PAX8: variants seen among roughly 807,000 people sequenced by gnomAD.
The protein encoded by PAX8 is paired box protein Pax-8.
PAX8 carries 15 observed loss-of-function variants against 52.4 expected under a neutral mutation model. The ratio of observed to expected loss-of-function variants is 0.29; its 90% CI spans 0.19 to 0.44. The LOEUF (loss-of-function observed/expected upper bound fraction) is 0.44, where lower values mean the gene tolerates loss of function less well. Ranked by LOEUF, PAX8 falls within the 20% of genes least tolerant of loss-of-function variation. The pLI is 1.00. For missense variants in PAX8, 554 were observed against 602.5 expected (o/e 0.92, Z 0.84); for synonymous variants, 284 against 249.7 (o/e 1.14, Z -1.29).
chr2:113,267,488 ATGGT>A (rs1308155622), intron 2 of PAX8: 2 of 152,354 alleles, frequency 1.3e-5, no homozygotes, highest in East Asian at 3.9e-4. Flanking sequence ...GGAGGGGCTC[ATGGT>A]TGGACACTGG....
intron 1 of PAX8, 89 bp from the exon 2 acceptor site, chr2:113,278,558 C>G: frequency 8.8e-7 from 1 of 1,132,578 alleles, no homozygotes; most frequent in Non-Finnish European, 1.3e-6. Context: ...TCCTTTACAC[C>G]TGCATCGTCT....
intron 2 of PAX8, among the ~76,000 whole-genome samples, chr2:113,277,936 C>T (rs1693940829): frequency 6.6e-6 from 1 of 151,554 alleles, no homozygotes; most frequent in South Asian, 2.1e-4. Flanking sequence ...CACAGTCCAG[C>T]CAGGGGAGTC....
At chr2:113,277,536 G>A (rs956160118) in intron 2 of PAX8, among the ~76,000 whole-genome samples, 1 of 152,192 alleles carries the variant, frequency 6.6e-6, no homozygotes, top group African/African-American at 2.4e-5. Context: ...CTTCTCTGCG[G>A]CCGGCCGGGC....
chr2:113,245,678 T>C (rs558767975), intron 3 of PAX8, among the ~76,000 whole-genome samples: 6 of 152,218 alleles, frequency 3.9e-5, no homozygotes, highest in African/African-American at 1.4e-4. Flanking sequence ...ATCCTCCTCT[T>C]CTTGTTGTAG....
At position 113,234,300 on chromosome 2, in the gene PAX8, C is replaced by A. The variant is rs146824548; in HGVS notation, c.1087+1094G>T. 1.2e-3 allele frequency among the ~76,000 whole-genome samples: 190 copies of A among 152,338 alleles called. 1 individual carries two copies. Among genetic ancestry groups the A allele is most frequent in the African/African-American group, 4.4e-3 (182 of 41,588 alleles). On this transcript the variant is annotated intron_variant, in intron 9 of 11. Transcript: ENST00000429538. The stretch of plus-strand genomic sequence containing the variant: ...GCTTGACTCTCAGCCATTCCTCAGG[C>A]CCTGGCTGGATGAGCGAAGGTCCTT...
chr2:113,228,337 A>G (rs959701434), intron 9 of PAX8, among the ~76,000 whole-genome samples: 3 of 152,206 alleles, frequency 2.0e-5, no homozygotes, highest in African/African-American at 7.2e-5. Flanking sequence ...ATATTTGTTA[A>G]TAATGCCCAT....
At chr2:113,259,842 G>A (rs944131863) in intron 2 of PAX8, among the ~76,000 whole-genome samples, 11 of 152,184 alleles carry the variant, frequency 7.2e-5, no homozygotes, top group Admixed American at 3.3e-4. Context: ...TCCTGGCATC[G>A]CACACCAGGG....
chr2:113,247,607 G>A (rs772656394), intron 2 of PAX8, among the ~76,000 whole-genome samples: 14 of 152,316 alleles, frequency 9.2e-5, no homozygotes, highest in Middle Eastern at 6.8e-3. Flanking sequence ...TGACACAGGG[G>A]CTACAGGCCA....
rs1389732019 is a variant in PAX8, at chr2:113,236,651, G to A, written c.848C>T (p.Thr283Met). The change falls in exon 8 of 12, where the codon ACG becomes ATG. Residue 283 changes from threonine to methionine, a missense_variant. Thr to Met is a moderately conservative substitution (Grantham distance 81). Transcript: ENST00000429538. Reference protein sequence around the residue: ...DGKATLTPSNTPLGRNLSTHQ... With the variant: ...DGKATLTPSNMPLGRNLSTHQ... Reference sequence around the variant, plus strand: ...AGTCGAGAGGTTGCGCCCCAGTGGCGTGTTGGAAGGGGTCAGGGTGGCCTT... The same window carrying A: ...AGTCGAGAGGTTGCGCCCCAGTGGCATGTTGGAAGGGGTCAGGGTGGCCTT... 2 of 1,596,140 alleles carry A rather than the reference G, an allele frequency of 1.3e-6. No homozygotes were observed. The highest frequency in any genetic ancestry group is 1.1e-5 in the South Asian group (1 of 87,694).
In PAX8 at chr2:113,246,825, C is replaced by A; in HGVS notation, c.120G>T (p.Gln40His). The A allele has an allele frequency of 6.2e-7, 1 of 1,614,258 alleles. No homozygotes were observed. Among genetic ancestry groups the A allele is most frequent in the Non-Finnish European group, 8.5e-7 (1 of 1,180,040 alleles). ...VRQRIVDLAHQGVRPCDISRQ... is the reference protein window; with the variant it reads ...VRQRIVDLAHHGVRPCDISRQ... ...GAGAGATGTCGCAGGGCCTTACACC[C>A]TGGTGGGCCAGGTCTACGATGCGCT... Residue 40 changes from glutamine to histidine, a missense_variant, in exon 3 of 12, where the codon CAG becomes CAT. Transcript: ENST00000429538.
At chr2:113,255,563 A>G (rs1692191392) in intron 2 of PAX8, 1 of 152,420 alleles carries the variant, frequency 6.6e-6, no homozygotes, top group Admixed American at 6.5e-5. Flanking sequence ...AGTGCTTGCC[A>G]GGCTCACACT....
intron 10 of PAX8, among the ~76,000 whole-genome samples, chr2:113,223,179 T>A (rs555816840): frequency 6.6e-6 from 1 of 152,172 alleles, no homozygotes; most frequent in South Asian, 2.1e-4. Context: ...AACTCTTGAT[T>A]TCCACTTGCC....
At chr2:113,241,488 T>G in intron 7 of PAX8, 63 bp downstream of exon 7, 1 of 1,484,740 alleles carries the variant, frequency 6.7e-7, no homozygotes, top group Non-Finnish European at 9.2e-7. Flanking sequence ...CAGGCTCATT[T>G]GGAGAATAGA....
chr2:113,228,158 A>G (rs1206115814), intron 9 of PAX8, among the ~76,000 whole-genome samples: 1 of 151,982 alleles, frequency 6.6e-6, no homozygotes, highest in African/African-American at 2.4e-5. Flanking sequence ...CTCCCCATCT[A>G]CTGCATATAA....
At chr2:113,234,716 C>T (rs1690136097) in intron 9 of PAX8, among the ~76,000 whole-genome samples, 1 of 152,130 alleles carries the variant, frequency 6.6e-6, no homozygotes, top group South Asian at 2.1e-4. Flanking sequence ...GATGGGGTTT[C>T]ATCATCTTGG....
In PAX8 at chr2:113,235,407, C is replaced by G; in HGVS notation, c.1074G>C (p.Gln358His). 6.3e-7 allele frequency: 1 copy of G among 1,586,616 alleles called. No homozygotes were observed. The change falls in exon 9 of 12, where the codon CAG (glutamine) becomes CAC (histidine). Residue 358 changes from glutamine (Q) to histidine (H), a missense_variant. Transcript: ENST00000429538. ...TCCCTGTCGTACCTGAGAGGAGGGC[C>G]TGGCCCGTGAACTGCCCGTACACGG... is the stretch of plus-strand genomic sequence containing the variant. ...AASVYGQFTG[Q>H]ALLSGREMVG...
Position 113,242,677 on chromosome 2 carries a change from T to G in PAX8, c.478+13A>C. 1 of 1,592,720 alleles carries G rather than the reference T, an allele frequency of 6.3e-7. No homozygotes were observed. Among genetic ancestry groups the G allele is most frequent in the East Asian group, 2.2e-5 (1 of 44,764 alleles). On this transcript the variant is annotated intron_variant, in intron 5 of 11. Coordinates refer to ENST00000429538, the MANE Select transcript of PAX8 (RefSeq NM_003466.4). ...ACGAGCATGTGTGTGTATCCAGGTC[T>G]CTCAGCACTCACTCAGCGTGTGTCC...
At chr2:113,219,453 C>A (rs1025352327) in intron 11 of PAX8, among the ~76,000 whole-genome samples, 1 of 152,174 alleles carries the variant, frequency 6.6e-6, no homozygotes, top group East Asian at 1.9e-4. Flanking sequence ...CTTCTCTTCC[C>A]AGTTCAGGAC....
intron 10 of PAX8, among the ~76,000 whole-genome samples, chr2:113,224,999 G>A (rs1689483032): frequency 6.6e-6 from 1 of 152,050 alleles, no homozygotes; most frequent in African/African-American, 2.4e-5. Context: ...TGGTGTAGAG[G>A]AAAGAGCTTT....
Sources: gnomAD v4.1 joint callset for allele counts (sites outside exome capture counted in the v4.1 genomes callset) on GRCh38, gnomAD v4.1.1 for gene constraint, MANE v1.5 for transcripts, NCBI Gene and HGNC (gene_info 2026-07-23, HGNC 2026-07-21) for gene names.